NOL6: variants seen among roughly 807,000 people sequenced by gnomAD.
The protein encoded by NOL6 is nucleolar protein 6.
Under a neutral mutation model 131.7 loss-of-function variants are expected in NOL6, and 33 were observed. The observed-to-expected ratio is 0.25, with a 90% CI of 0.19 to 0.33. The LOEUF (loss-of-function observed/expected upper bound fraction) is 0.33, where lower values mean the gene tolerates loss of function less well. Among genes scored for constraint, NOL6 ranks in the 10% least tolerant of loss-of-function variants. The pLI is 1.00. For synonymous variants in NOL6, 580 were observed against 605.7 expected, an observed-to-expected ratio of 0.96 and a Z score of 0.62; for missense variants, 1,297 against 1,494.5, an observed-to-expected ratio of 0.87 and a Z score of 2.18.
In NOL6 at chr9:33,466,614, G is replaced by C; in HGVS notation, c.2046C>G (p.Thr682=). The C allele has an allele frequency of 6.2e-7, 1 of 1,614,060 alleles. No individual in the cohort carries two copies. ...GGTGAGCTCCCTGAACAGCAGACAC[G>C]GTCAGTGGGAGACCCTCTAGCCCCC... ...LLWGLEGLPL[T]VSAVQGAHPV... is the part of the protein sequence containing the mutation. The change falls in exon 16 of 26, where the codon ACC becomes ACG. Residue 682 remains threonine (T), a synonymous_variant. Transcript: ENST00000297990.
rs1827243117 is a variant in NOL6, at chr9:33,466,377, G to A, written c.2140C>T (p.Leu714=). The change falls in exon 17 of 26, where the codon CTG becomes TTG. Residue 714 remains leucine (L), a synonymous_variant. Coordinates refer to ENST00000297990, the MANE Select transcript of NOL6 (RefSeq NM_022917.5). The part of the protein sequence containing the change: ...VRPAFSFYET[L]RERSSLLPRL... ...GGCAGCAGTGAGGACCGCTCCCGCA[G>A]AGTCTCATAGAAGGAGAAGGCTGGA... is the stretch of plus-strand genomic sequence containing the variant. 5.0e-6 allele frequency: 8 copies of A among 1,614,232 alleles called. No individual in the cohort carries two copies. The East Asian group carries it at 1.1e-4, about 22-fold the overall frequency.
Position 33,469,356 on chromosome 9 carries a change from G to A in NOL6, c.728-15C>T, listed in dbSNP as rs756647557. On this transcript the variant is annotated splice_polypyrimidine_tract_variant and intron_variant, in intron 5 of 25. Coordinates refer to ENST00000297990, the MANE Select transcript of NOL6 (RefSeq NM_022917.5). The stretch of plus-strand genomic sequence containing the variant: ...CTCATCCTTTCCTGCCAGAGACAGT[G>A]AGTGCTGAGACTCTGCAGGAGCCCT... 21 of 1,613,888 alleles carry A rather than the reference G, an allele frequency of 1.3e-5. No individual in the cohort carries two copies. Among genetic ancestry groups the A allele is most frequent in the Non-Finnish European group, 1.7e-5 (20 of 1,180,010 alleles).
In NOL6 at chr9:33,469,187, C is replaced by T. The variant is rs1487901620; in HGVS notation, c.862+20G>A. Reference sequence around the variant, plus strand: ...ACACCTCTTCCCTCCAGCTCCACCTCAACACCAGGGCCTGCTCACCATCCC... The same window carrying T: ...ACACCTCTTCCCTCCAGCTCCACCTTAACACCAGGGCCTGCTCACCATCCC... On this transcript the variant is annotated intron_variant, in intron 6 of 25. Transcript: ENST00000297990. 2 of 1,614,176 alleles carry T rather than the reference C, an allele frequency of 1.2e-6. No homozygotes were observed. Among genetic ancestry groups the T allele is most frequent in the Non-Finnish European group, 1.7e-6 (2 of 1,180,010 alleles).
chr9:33,463,746 G>C (rs533510128), intron 23 of NOL6, 85 bp downstream of exon 23: 6 of 1,398,972 alleles, frequency 4.3e-6, no homozygotes, highest in South Asian at 2.4e-5. Flanking sequence ...CAAGGGGACC[G>C]GGTCTCCTGT....
At position 33,467,513 on chromosome 9, in the gene NOL6, C is replaced by T. The variant is rs1827280622; in HGVS notation, c.1606G>A (p.Asp536Asn). Residue 536 changes from aspartate to asparagine, a missense_variant, in exon 13 of 26, where the codon GAC becomes AAC. Coordinates refer to ENST00000297990, the MANE Select transcript of NOL6 (RefSeq NM_022917.5). The surrounding 1 kb of genome is among the most constrained non-coding windows in gnomAD (Gnocchi z 4.4). Reference protein sequence around the residue: ...AHSRPPVPEWDISQDPPKHKD... With the variant: ...AHSRPPVPEWNISQDPPKHKD... Reference sequence around the variant, plus strand: ...TGCTTTGGTGGATCTTGGCTGATGTCCCACTGCAGGATTTCAAAAGGCTGA... The same window carrying T: ...TGCTTTGGTGGATCTTGGCTGATGTTCCACTGCAGGATTTCAAAAGGCTGA... 34 of 1,614,098 alleles carry T rather than the reference C, an allele frequency of 2.1e-5. No homozygotes were observed. The highest frequency in any genetic ancestry group is 2.9e-5 in the Non-Finnish European group (34 of 1,179,982).
In NOL6 at chr9:33,464,953, C is replaced by T. The variant is rs762461389; in HGVS notation, c.2705G>A (p.Arg902Gln). Residue 902 changes from arginine (R) to glutamine (Q), a missense_variant, in exon 21 of 26, where the codon CGA becomes CAA. Transcript: ENST00000297990. ...AAACGTTGATACCAAGAAAAGGAAT[C>T]GAAGGAAGCCAACCTGGGGGGAACT... Reference protein sequence around the residue: ...PPSSPQVGFLRFLFLVSTFDW... With the variant: ...PPSSPQVGFLQFLFLVSTFDW... 13 of 1,613,796 alleles carry T rather than the reference C, an allele frequency of 8.1e-6. No individual in the cohort carries two copies. Among genetic ancestry groups the T allele is most frequent in the South Asian group, 3.3e-5 (3 of 91,078 alleles).
rs774602500 is a variant in NOL6 at position 33,462,796 on chromosome 9, C to T, written c.3309G>A (p.Gly1103=). ...CCCCACCTCGAGACATCACCATGCG[C>T]CCCTTTGTGCTGGAGGCCTGGGGAA... ...PQPFKASSTK[G]RMVMSRGGEL... Residue 1103 remains glycine, a synonymous_variant, in exon 26 of 26, where the codon GGG becomes GGA. Coordinates refer to ENST00000297990, the MANE Select transcript of NOL6 (RefSeq NM_022917.5). 15 of 1,614,108 alleles carry T rather than the reference C, an allele frequency of 9.3e-6. No homozygotes were observed. The highest frequency in any genetic ancestry group is 9.3e-6 in the Non-Finnish European group (11 of 1,180,016).
chr9:33,468,666 G>A, intron 8 of NOL6, 86 bp downstream of exon 8: 1 of 1,608,788 alleles, frequency 6.2e-7, no homozygotes. Flanking sequence ...TCTGTCTGAT[G>A]GCAAAACACC....
chr9:33,462,607 C>G lies in NOL6; in HGVS notation c.*57G>C, dbSNP rs976262977. 11 of 1,590,822 alleles carry G rather than the reference C, an allele frequency of 6.9e-6. No individual in the cohort carries two copies. The African/African-American group carries it at 1.5e-4, about 21-fold the overall frequency. On this transcript the variant is annotated 3_prime_UTR_variant, in exon 26 of 26. Transcript: ENST00000297990. ...AGGGTGGAGGTCATCCTACTGACAT[C>G]TTGCTCTAGAGGTCCAATGTCCTGC...
At position 33,467,081 on chromosome 9, in the gene NOL6, A is replaced by G. The variant is rs758821111; in HGVS notation, c.1874+33T>C. On this transcript the variant is annotated intron_variant, in intron 14 of 25. Coordinates refer to ENST00000297990, the MANE Select transcript of NOL6 (RefSeq NM_022917.5). This position sits in a 1 kb window ranked among gnomAD's most constrained non-coding sequence, Gnocchi z 4.4. ...CCCCTGAAAAGGCTCCCCAGCCCACACTGCCTTCTGGAATCCAGATGCCAA... is the reference window on the plus strand; with the variant it reads ...CCCCTGAAAAGGCTCCCCAGCCCACGCTGCCTTCTGGAATCCAGATGCCAA... The G allele has an allele frequency of 6.2e-7, 1 of 1,613,440 alleles. No individual in the cohort carries two copies.
Position 33,468,857 on chromosome 9 carries a change from T to A in NOL6, c.1042A>T (p.Thr348Ser). Residue 348 changes from threonine (T) to serine (S), a missense_variant, in exon 8 of 26, where the codon ACT becomes TCT. By Grantham distance (58) the Thr-to-Ser change is moderately conservative. Coordinates refer to ENST00000297990, the MANE Select transcript of NOL6 (RefSeq NM_022917.5). ...RELDKGQGGF[T>S]GFLVSMLVVF... ...ACCAGCATGGAGACAAGGAACCCAG[T>A]AAACCCACCCTGGCCCTGAAAGAGA... The A allele has an allele frequency of 6.2e-7, 1 of 1,614,090 alleles. No individual in the cohort carries two copies. Among genetic ancestry groups the A allele is most frequent in the South Asian group, 1.1e-5 (1 of 91,074 alleles).
In NOL6 at chr9:33,465,810, G is replaced by A; in HGVS notation, c.2452C>T (p.Leu818=). 3 of 1,614,094 alleles carry A rather than the reference G, an allele frequency of 1.9e-6. No individual in the cohort carries two copies. Among genetic ancestry groups the A allele is most frequent in the Non-Finnish European group, 1.7e-6 (2 of 1,179,994 alleles). Residue 818 remains leucine (L), a synonymous_variant, in exon 19 of 26, where the codon CTG becomes TTG. Transcript: ENST00000297990. ...CGGAGGGAGGCAGCTGTGTCCCTCA[G>A]CGAGATCATCCCCTCTGGGCTCTGC... is the stretch of plus-strand genomic sequence containing the variant. The part of the protein sequence containing the change: ...EVQSPEGMIS[L]RDTAASLRLE...
Position 33,464,123 on chromosome 9 carries a change from C to T in NOL6, c.2818G>A (p.Ala940Thr). Residue 940 changes from alanine to threonine, a missense_variant, in exon 22 of 26, where the codon GCT becomes ACT. By Grantham distance (58) the Ala-to-Thr change is moderately conservative (BLOSUM62 0). Transcript: ENST00000297990. The part of the protein sequence containing the change: ...QVEIRSGFLA[A>T]RAQLPVMVIV... ...ACCATGACGGGGAGCTGTGCCCGAG[C>T]TGCCAGGAAGCCACTGCGGATCTCC... is the stretch of plus-strand genomic sequence containing the variant. 1 of 1,612,322 alleles carries T rather than the reference C, an allele frequency of 6.2e-7. No individual in the cohort carries two copies. Among genetic ancestry groups the T allele is most frequent in the Non-Finnish European group, 8.5e-7 (1 of 1,179,170 alleles).
Position 33,462,626 on chromosome 9 carries a change from G to A in NOL6, c.*38C>T. ...TGACATCTTGCTCTAGAGGTCCAAT[G>A]TCCTGCTGTCCGTCTACAGCTTGCT... On this transcript the variant is annotated 3_prime_UTR_variant, in exon 26 of 26. Transcript: ENST00000297990. 1.2e-6 allele frequency: 2 copies of A among 1,610,350 alleles called. No individual in the cohort carries two copies. The highest frequency in any genetic ancestry group is 1.3e-5 in the African/African-American group (1 of 74,966).
At chr9:33,464,690 G>C (rs1047784423) in intron 21 of NOL6, among the ~76,000 whole-genome samples, 189 bp downstream of exon 21, 6 of 152,098 alleles carry the variant, frequency 3.9e-5, no homozygotes, top group African/African-American at 1.4e-4. Context: ...CTATCATTCT[G>C]TCTCTGACAA....
chr9:33,462,873 A>C, intron 25 of NOL6, 60 bp from the exon 26 acceptor site: 1 of 1,601,544 alleles, frequency 6.2e-7, no homozygotes. Flanking sequence ...CAGAGACACC[A>C]AGCTGGGTAC....
At position 33,473,010 on chromosome 9, in the gene NOL6, T is replaced by C. The variant is rs1587229054; in HGVS notation, c.55-598A>G. ...AAAAGAAGCTGACTGAGCCCTGCCCTAAGTAATGCCCAGGCCCCTTGTATT... is the reference window on the plus strand; with the variant it reads ...AAAAGAAGCTGACTGAGCCCTGCCCCAAGTAATGCCCAGGCCCCTTGTATT... On this transcript the variant is annotated intron_variant, in intron 1 of 25. Transcript: ENST00000297990. Among the ~76,000 whole-genome samples the C allele has an allele frequency of 2.0e-5, 3 of 148,874 alleles. No homozygotes were observed. In the East Asian group the frequency reaches 5.9e-4, roughly 29 times the overall value.
At chr9:33,466,450 A>T in intron 16 of NOL6, 25 bp from the exon 17 acceptor site, 2 of 1,613,492 alleles carry the variant, frequency 1.2e-6, no homozygotes, top group Non-Finnish European at 1.7e-6. Flanking sequence ...GGGCTGAGGA[A>T]TGGGCCTAGG....
chr9:33,462,851 C>T (rs1223980025), intron 25 of NOL6, 38 bp from the exon 26 acceptor site: 9 of 1,611,194 alleles, frequency 5.6e-6, no homozygotes, highest in Non-Finnish European at 7.6e-6. Flanking sequence ...TTGAGTGTCA[C>T]AGCGGCACAC....
Sources: allele counts gnomAD v4.1 joint callset (sites outside exome capture counted in the v4.1 genomes callset), GRCh38; gene constraint gnomAD v4.1.1; non-coding constraint Gnocchi (gnomAD v3.1); transcripts MANE v1.5; gene names NCBI Gene and HGNC (gene_info 2026-07-23, HGNC 2026-07-21).